CNTN4: variants seen among roughly 807,000 people sequenced by gnomAD.
The protein encoded by CNTN4 is contactin-4.
CNTN4 carries 77 observed loss-of-function variants against 122.5 expected under a neutral mutation model. The observed-to-expected ratio is 0.63, with a 90% CI of 0.52 to 0.76. CNTN4 has a LOEUF of 0.76. Ranked by LOEUF, CNTN4 falls within the 30% of genes least tolerant of loss-of-function variation. CNTN4 has a pLI of 0.00. For missense variants in CNTN4, 1,256 were observed against 1,259.1 expected (o/e 1.00, Z 0.04); for synonymous variants, 512 against 447.0 (o/e 1.15, Z -1.83).
At chr3:2,299,899 C>A (rs1018602428) in intron 2 of CNTN4, among the ~76,000 whole-genome samples, 1 of 152,064 alleles carries the variant, frequency 6.6e-6, no homozygotes, top group Non-Finnish European at 1.5e-5. Flanking sequence ...ATATAAATAG[C>A]GTTTACCGCA....
intron 3 of CNTN4, among the ~76,000 whole-genome samples, chr3:2,366,466 A>G (rs995805861): frequency 2.6e-5 from 4 of 152,002 alleles, no homozygotes; most frequent in African/African-American, 9.7e-5. Flanking sequence ...AGTGGCTCAC[A>G]CCTGTAATCC....
chr3:2,464,767 C>T (rs2075438531), intron 3 of CNTN4, among the ~76,000 whole-genome samples: 1 of 152,218 alleles, frequency 6.6e-6, no homozygotes, highest in Non-Finnish European at 1.5e-5. Context: ...ATGAGGTATC[C>T]TAAATTCCAT....
chr3:2,566,594 C>G (rs149392621), intron 3 of CNTN4, among the ~76,000 whole-genome samples: 2 of 152,216 alleles, frequency 1.3e-5, no homozygotes, highest in Non-Finnish European at 2.9e-5. Context: ...AGTTAAAAAT[C>G]TATTTGGTGG....
At chr3:3,053,224 A>G (rs1448498468) in intron 23 of CNTN4, among the ~76,000 whole-genome samples, 1 of 152,140 alleles carries the variant, frequency 6.6e-6, no homozygotes, top group Non-Finnish European at 1.5e-5. Flanking sequence ...TTGTAGAGAC[A>G]GGGTTTCGCC....
At chr3:2,891,112 T>C (rs1209402806) in intron 10 of CNTN4, among the ~76,000 whole-genome samples, 1 of 152,142 alleles carries the variant, frequency 6.6e-6, no homozygotes, top group East Asian at 1.9e-4. Context: ...AAATGCACTA[T>C]TAAGCAAATA....
intron 3 of CNTN4, among the ~76,000 whole-genome samples, chr3:2,393,126 C>CT (rs983160572): frequency 2.6e-5 from 4 of 152,120 alleles, no homozygotes; most frequent in Admixed American, 2.6e-4. Context: ...TGCCTGCGAT[C>CT]TTTGGAATTT....
At chr3:2,773,762 C>CTT (rs1234334638) in intron 6 of CNTN4, among the ~76,000 whole-genome samples, 5 of 107,542 alleles carry the variant, frequency 4.6e-5, no homozygotes, top group Non-Finnish European at 8.9e-5. Flanking sequence ...ATGTAGTAGA[C>CTT]TTTTTTTTTT....
chr3:2,941,164 C>G (rs899158038), intron 13 of CNTN4, among the ~76,000 whole-genome samples: 2 of 152,166 alleles, frequency 1.3e-5, no homozygotes, highest in African/African-American at 2.4e-5. Flanking sequence ...TTCCCTCCTT[C>G]AATCATTCCT....
chr3:2,774,329 T>G (rs1269609484), intron 6 of CNTN4, among the ~76,000 whole-genome samples: 1 of 152,094 alleles, frequency 6.6e-6, no homozygotes, highest in Non-Finnish European at 1.5e-5. Flanking sequence ...AATCTCCATT[T>G]CATCTGCCAA....
chr3:2,512,284 G>A (rs2076909782), intron 3 of CNTN4, among the ~76,000 whole-genome samples: 1 of 151,812 alleles, frequency 6.6e-6, no homozygotes, highest in African/African-American at 2.4e-5. Flanking sequence ...TTATGAGACA[G>A]TACATAAAAT....
intron 3 of CNTN4, among the ~76,000 whole-genome samples, chr3:2,527,545 A>C (rs374139069): frequency 6.6e-6 from 1 of 152,068 alleles, no homozygotes; most frequent in Admixed American, 6.6e-5. Context: ...AGGAGATGGG[A>C]TTTTCATATC....
At chr3:2,333,246 A>G (rs1263619746) in intron 2 of CNTN4, among the ~76,000 whole-genome samples, 1 of 152,204 alleles carries the variant, frequency 6.6e-6, no homozygotes, top group Non-Finnish European at 1.5e-5. Flanking sequence ...CTTGTAGTCA[A>G]GACCCAGAAA....
chr3:2,954,891 T>C (rs1168365451), intron 13 of CNTN4, among the ~76,000 whole-genome samples: 1 of 152,162 alleles, frequency 6.6e-6, no homozygotes, highest in Admixed American at 6.6e-5. Flanking sequence ...TATAAGATTC[T>C]GACTGTCAGA....
intron 2 of CNTN4, among the ~76,000 whole-genome samples, chr3:2,192,727 G>C (rs923530044): frequency 3.9e-5 from 6 of 152,146 alleles, no homozygotes; most frequent in African/African-American, 1.4e-4. Context: ...TTTGTTTTGA[G>C]CTACACTCAT....
At chr3:2,861,393 T>A (rs900775915) in intron 7 of CNTN4, among the ~76,000 whole-genome samples, 9 of 152,322 alleles carry the variant, frequency 5.9e-5, no homozygotes, top group African/African-American at 2.2e-4. Context: ...TTGTAAATAT[T>A]TGACCAACAA....
At chr3:2,710,407 T>C (rs1302738120) in intron 4 of CNTN4, among the ~76,000 whole-genome samples, 1 of 152,222 alleles carries the variant, frequency 6.6e-6, no homozygotes, top group Non-Finnish European at 1.5e-5. Context: ...TGTATTTTAA[T>C]AGTGACAGCT....
chr3:2,200,617 C>A (rs1210025941), intron 2 of CNTN4, among the ~76,000 whole-genome samples: 2 of 152,170 alleles, frequency 1.3e-5, no homozygotes, highest in African/African-American at 4.8e-5. Context: ...TAGCACCTTA[C>A]AAGGTGGTTG....
intron 6 of CNTN4, among the ~76,000 whole-genome samples, chr3:2,766,884 A>G (rs900014773): frequency 6.6e-6 from 1 of 152,188 alleles, no homozygotes; most frequent in Non-Finnish European, 1.5e-5. Flanking sequence ...TTCAACCTAA[A>G]CTGGAAGTTG....
chr3:2,579,032 A>G (rs1002496398), intron 4 of CNTN4, among the ~76,000 whole-genome samples: 1 of 152,236 alleles, frequency 6.6e-6, no homozygotes, highest in African/African-American at 2.4e-5. Flanking sequence ...CAGCGATTTT[A>G]TATCCCCATA....
Sources: allele counts gnomAD v4.1 joint callset (sites outside exome capture counted in the v4.1 genomes callset), GRCh38; gene constraint gnomAD v4.1.1; transcripts MANE v1.5; gene names NCBI Gene and HGNC (gene_info 2026-07-23, HGNC 2026-07-21).